TSPAN14: variants seen among roughly 807,000 people sequenced by gnomAD.
The protein encoded by TSPAN14 is tetraspanin 14, also known as tetraspanin-14.
A neutral mutation model predicts 36.6 loss-of-function variants in TSPAN14; 16 were observed. The ratio of observed to expected loss-of-function variants is 0.44; its 90% confidence interval spans 0.30 to 0.66. The LOEUF (loss-of-function observed/expected upper bound fraction) is 0.66, where lower values mean the gene tolerates loss of function less well. TSPAN14 is among the 30% of genes least tolerant of loss of function. The probability of loss-of-function intolerance (pLI) is 0.12; values close to 1 mark genes in which losing one functional copy is unlikely to be tolerated. For synonymous variants in TSPAN14, 139 were observed against 143.8 expected (o/e 0.97, Z 0.24); for missense variants, 231 against 355.1 (o/e 0.65, Z 2.81).
At chr10:80,496,992 A>T (rs1415693486) in intron 2 of TSPAN14, among the ~76,000 whole-genome samples, 2 of 151,826 alleles carry the variant, frequency 1.3e-5, no homozygotes, top group Non-Finnish European at 2.9e-5. Flanking sequence ...TTGCCTATCT[A>T]GTAACTTTTG....
chr10:80,508,145 T>C (rs896704272), intron 4 of TSPAN14, among the ~76,000 whole-genome samples: 4 of 150,360 alleles, frequency 2.7e-5, no homozygotes, highest in Non-Finnish European at 4.4e-5. Flanking sequence ...ATACCGAGTC[T>C]CGCTCTGTTG....
chr10:80,457,562 G>C (rs1034148631), intron 1 of TSPAN14, among the ~76,000 whole-genome samples: 7 of 152,192 alleles, frequency 4.6e-5, no homozygotes, highest in Non-Finnish European at 1.0e-4. Context: ...TACCAAACAA[G>C]CCTGGCCCAC....
chr10:80,518,837 G>C (rs1396039038), exon 9 of TSPAN14: 1 of 153,078 alleles, frequency 6.5e-6, no homozygotes, highest in East Asian at 1.9e-4. Context: ...CCTCTGAGCA[G>C]CCTTAGATAG....
intron 1 of TSPAN14, among the ~76,000 whole-genome samples, chr10:80,474,229 G>A (rs1368112292): frequency 6.6e-6 from 1 of 152,132 alleles, no homozygotes; most frequent in Non-Finnish European, 1.5e-5. Context: ...AGGTGGTGTT[G>A]AAGGATTGGC....
At chr10:80,514,453 G>A (rs1001355151) in intron 7 of TSPAN14, among the ~76,000 whole-genome samples, 4 of 152,192 alleles carry the variant, frequency 2.6e-5, no homozygotes, top group Non-Finnish European at 2.9e-5. Context: ...TGTGGAGGCA[G>A]TAGTGACAAA....
chr10:80,461,559 G>T (rs1239689324), intron 1 of TSPAN14, among the ~76,000 whole-genome samples: 1 of 152,184 alleles, frequency 6.6e-6, no homozygotes, highest in Admixed American at 6.5e-5. Context: ...GGGGTGCTAA[G>T]TGTGTGAGCA....
chr10:80,477,683 T>C (rs1846998411), intron 1 of TSPAN14, among the ~76,000 whole-genome samples: 1 of 152,156 alleles, frequency 6.6e-6, no homozygotes, highest in South Asian at 2.1e-4. Flanking sequence ...TTCCTTTCCT[T>C]CCACCGTGAT....
chr10:80,497,117 C>T (rs937167078), intron 2 of TSPAN14, among the ~76,000 whole-genome samples: 1 of 152,060 alleles, frequency 6.6e-6, no homozygotes, highest in Non-Finnish European at 1.5e-5. Flanking sequence ...TGCAGTTATA[C>T]GTAGTTGTAG....
intron 1 of TSPAN14, among the ~76,000 whole-genome samples, chr10:80,474,970 C>G (rs1255841975): frequency 1.3e-5 from 2 of 152,174 alleles, no homozygotes; most frequent in East Asian, 3.9e-4. Context: ...TTCCACATTT[C>G]CAGCAAGCTC....
exon 9 of TSPAN14, chr10:80,520,180 C>G (rs1047649785): frequency 5.8e-6 from 1 of 171,050 alleles, no homozygotes. Context: ...GCCACAGACC[C>G]TCCCTGCCAG....
intron 1 of TSPAN14, among the ~76,000 whole-genome samples, chr10:80,476,107 C>T (rs924816492): frequency 9.2e-5 from 14 of 152,290 alleles, no homozygotes; most frequent in Admixed American, 6.5e-4. Context: ...TGCGGGGGCT[C>T]ACGCTTATAA....
intron 2 of TSPAN14, among the ~76,000 whole-genome samples, chr10:80,490,533 G>A (rs975974347): frequency 2.6e-5 from 4 of 152,202 alleles, no homozygotes; most frequent in African/African-American, 7.2e-5. Context: ...GGTGCAGGGA[G>A]GTGAAGAAGG....
intron 1 of TSPAN14, among the ~76,000 whole-genome samples, chr10:80,464,540 G>A (rs73305140): frequency 0.14 from 21,932 of 152,166 alleles, 2,464 homozygotes; most frequent in African/African-American, 0.32. Context: ...AGACTTTAGG[G>A]CTGGCTGGCA....
At chr10:80,481,251 G>A (rs933737129) in intron 1 of TSPAN14, among the ~76,000 whole-genome samples, 2 of 152,182 alleles carry the variant, frequency 1.3e-5, no homozygotes, top group African/African-American at 4.8e-5. Context: ...GGAATTCTGT[G>A]CACTGGTCCA....
At chr10:80,459,310 T>C (rs12220655) in intron 1 of TSPAN14, 90,379 of 152,306 alleles carry the variant, frequency 0.59, 27,050 homozygotes, top group East Asian at 0.85. Context: ...CTGGGCAGGC[T>C]GGGGTTGAAA....
At chr10:80,456,631 C>T (rs1385305775) in intron 1 of TSPAN14, among the ~76,000 whole-genome samples, 1 of 152,220 alleles carries the variant, frequency 6.6e-6, no homozygotes, top group Non-Finnish European at 1.5e-5. Context: ...TGCAAAGTGG[C>T]ATTGTGCCAG....
At chr10:80,466,462 C>G (rs921943450) in intron 1 of TSPAN14, 4 of 152,136 alleles carry the variant, frequency 2.6e-5, no homozygotes, top group Non-Finnish European at 5.9e-5. Context: ...TGCAATGTTG[C>G]CTTGGCTGGT....
At chr10:80,513,106 C>T (rs1015200528) in intron 6 of TSPAN14, among the ~76,000 whole-genome samples, 4 of 152,108 alleles carry the variant, frequency 2.6e-5, no homozygotes, top group Admixed American at 1.3e-4. Context: ...CCATGTTGCC[C>T]CGGCTGGTCT....
chr10:80,517,126 T>C (rs1391480456), intron 8 of TSPAN14, among the ~76,000 whole-genome samples: 1 of 152,220 alleles, frequency 6.6e-6, no homozygotes, highest in Non-Finnish European at 1.5e-5. Flanking sequence ...AGAAAGTGTT[T>C]GACTCTGTTT....
Sources: gnomAD v4.1 joint callset for allele counts (sites outside exome capture counted in the v4.1 genomes callset) on GRCh38, gnomAD v4.1.1 for gene constraint, MANE v1.5 for transcripts, NCBI Gene and HGNC (gene_info 2026-07-23, HGNC 2026-07-21) for gene names.